The following EXD1 variants were observed in gnomAD, a reference collection of about 807,000 sequenced individuals.
The protein encoded by EXD1 is exonuclease 3'-5' domain containing 1, also known as piRNA biogenesis protein EXD1.
EXD1 carries 63 observed loss-of-function variants against 49.1 expected under a neutral mutation model. The ratio of observed to expected loss-of-function variants is 1.28; its 90% CI spans 1.05 to 1.58. The LOEUF (loss-of-function observed/expected upper bound fraction) is 1.58, where lower values mean the gene tolerates loss of function less well. Among genes scored for constraint, EXD1 ranks in the 40% most tolerant of loss-of-function variants. The pLI is 0.00. For synonymous variants in EXD1, 234 were observed against 239.2 expected, an observed-to-expected ratio of 0.98 and a Z score of 0.20; for missense variants, 748 against 666.0, an observed-to-expected ratio of 1.12 and a Z score of -1.36.
In EXD1 at chr15:41,184,401, T is replaced by C; in HGVS notation, c.1249A>G (p.Asn417Asp). 6.2e-7 allele frequency: 1 copy of C among 1,614,040 alleles called. No individual in the cohort carries two copies. The highest frequency in any genetic ancestry group is 2.2e-5 in the East Asian group (1 of 44,880). Residue 417 changes from asparagine to aspartate, a missense_variant, in exon 12 of 12, where the codon AAT (asparagine) becomes GAT (aspartate). Asn to Asp is a conservative substitution (Grantham distance 23). Transcript: ENST00000458580. ...EKVKGFLFGKNFRIDKAPSFT... is the reference protein window; with the variant it reads ...EKVKGFLFGKDFRIDKAPSFT... ...CTTGGAGCTTTATCTATCCTAAAATTTTTACCAAATAAGAAGCCTTTGACT... is the reference window on the plus strand; with the variant it reads ...CTTGGAGCTTTATCTATCCTAAAATCTTTACCAAATAAGAAGCCTTTGACT...
intron 11 of EXD1, 150 bp downstream of exon 11, chr15:41,189,787 G>T: frequency 1.6e-6 from 1 of 632,548 alleles, no homozygotes; most frequent in East Asian, 2.6e-5. Context: ...GTGAGGGGAT[G>T]GATCATGCCC....
chr15:41,221,693 C>G (rs1399462999), intron 2 of EXD1, among the ~76,000 whole-genome samples: 1 of 151,862 alleles, frequency 6.6e-6, no homozygotes, highest in African/African-American at 2.4e-5. Flanking sequence ...AGTTTTGTCC[C>G]TCATCCTTTT....
rs1255475855 is a variant in EXD1, at chr15:41,184,326, A to T, written c.1324T>A (p.Ser442Thr). The T allele has an allele frequency of 3.1e-6, 5 of 1,614,198 alleles. No individual in the cohort carries two copies. Among genetic ancestry groups the T allele is most frequent in the South Asian group, 1.1e-5 (1 of 91,086 alleles). ...GGATTTGTAGCTTGTTTATTCAAAG[A>T]TTCTTCTTTCAGTAAATTCACATCC... ...HGDVNLLKEE[S>T]LNKQATNPQH... is the part of the protein sequence containing the mutation. The change falls in exon 12 of 12, where the codon TCT becomes ACT. Residue 442 changes from serine (S) to threonine (T), a missense_variant. Transcript: ENST00000458580.
intron 7 of EXD1, among the ~76,000 whole-genome samples, chr15:41,206,972 C>A (rs1462912233): frequency 8.1e-6 from 1 of 123,532 alleles, no homozygotes; most frequent in African/African-American, 3.1e-5. Flanking sequence ...GCCTCTGCGC[C>A]AGGTGTGGTG....
Position 41,191,436 on chromosome 15 carries a change from A to T in EXD1, c.864+6T>A. ...TAATGTCATACAGGACATCCTTTAC[A>T]CCCACCTGAATTAGTTTTTGTCTCT... On this transcript the variant is annotated splice_donor_region_variant and intron_variant, in intron 10 of 11. Coordinates refer to ENST00000458580, the MANE Select transcript of EXD1 (RefSeq NM_001286441.2). 1 of 1,572,592 alleles carries T rather than the reference A, an allele frequency of 6.4e-7. No homozygotes were observed. The highest frequency in any genetic ancestry group is 8.6e-7 in the Non-Finnish European group (1 of 1,157,968).
At chr15:41,226,678 TA>T (rs2047168992) in intron 1 of EXD1, 50 bp from the exon 2 acceptor site, 1 of 1,387,602 alleles carries the variant, frequency 7.2e-7, no homozygotes, top group Admixed American at 2.8e-5. Flanking sequence ...TTTTTGGGAG[TA>T]AAGTTATTTT....
At chr15:41,196,579 G>A (rs997238798) in intron 7 of EXD1, among the ~76,000 whole-genome samples, 2 of 151,414 alleles carry the variant, frequency 1.3e-5, no homozygotes, top group Non-Finnish European at 2.9e-5. Flanking sequence ...GCCTCCCAAA[G>A]TGCTGGGATT....
At chr15:41,190,159 A>T in intron 10 of EXD1, 31 bp from the exon 11 acceptor site, 2 of 1,609,722 alleles carry the variant, frequency 1.2e-6, no homozygotes, top group Middle Eastern at 1.7e-4. Flanking sequence ...TCCTCTGAAC[A>T]GTAAGCAAGA....
intron 7 of EXD1, among the ~76,000 whole-genome samples, chr15:41,208,578 C>T (rs1435209754): frequency 2.0e-5 from 3 of 151,640 alleles, no homozygotes; most frequent in Non-Finnish European, 4.4e-5. Context: ...CATGGTGAAA[C>T]CCCGTCTCTA....
Position 41,230,722 on chromosome 15 carries a change from G to A in EXD1, c.-297C>T, listed in dbSNP as rs2047229960. 1.5e-6 allele frequency: 1 copy of A among 645,208 alleles called. No homozygotes were observed. The highest frequency in any genetic ancestry group is 2.9e-5 in the East Asian group (1 of 34,762). 40.0% of individuals were successfully genotyped at this position (645,208 alleles called of 1,614,324 possible). A position where few individuals can be genotyped will look rare whatever the true frequency, so the allele number is the denominator to read the frequency against. ...CGACGCCGGGGACACACGCCGCAGA[G>A]GCGACGCCCGCCCGGCCCAACGTCC... On this transcript the variant is annotated 5_prime_UTR_variant, in exon 1 of 12. Transcript: ENST00000458580.
chr15:41,206,811 G>C (rs936604221), intron 7 of EXD1, among the ~76,000 whole-genome samples: 2 of 148,952 alleles, frequency 1.3e-5, no homozygotes, highest in Non-Finnish European at 3.0e-5. Context: ...TAGTAGAGGC[G>C]GGGTTTCACC....
chr15:41,226,567 G>T lies in EXD1; in HGVS notation c.9C>A (p.Pro3=). The T allele has an allele frequency of 6.5e-7, 1 of 1,535,922 alleles. No individual in the cohort carries two copies. The highest frequency in any genetic ancestry group is 1.2e-5 in the South Asian group (1 of 84,012). ...GGCTGAGGAAATGGTAGTCACTGCTGGGGTCCATGCTAATTGATTCCAAAA... is the reference window on the plus strand; with the variant it reads ...GGCTGAGGAAATGGTAGTCACTGCTTGGGTCCATGCTAATTGATTCCAAAA... MD[P]SSDYHFLSQI... is the part of the protein sequence containing the mutation. Residue 3 remains proline (P), a synonymous_variant, in exon 2 of 12, where the codon CCC becomes CCA. Coordinates refer to ENST00000458580, the MANE Select transcript of EXD1 (RefSeq NM_001286441.2).
At chr15:41,187,269 T>C (rs1364161914) in intron 11 of EXD1, among the ~76,000 whole-genome samples, 1 of 152,004 alleles carries the variant, frequency 6.6e-6, no homozygotes, top group African/African-American at 2.4e-5. Context: ...TTTGTATTAT[T>C]AGTAGAGACA....
chr15:41,213,284 C>G (rs1278040879), intron 6 of EXD1, among the ~76,000 whole-genome samples: 1 of 151,932 alleles, frequency 6.6e-6, no homozygotes, highest in East Asian at 1.9e-4. Flanking sequence ...TCACTGCAAC[C>G]TCTGCCTCCT....
chr15:41,194,854 AG>A (rs2046585553), intron 9 of EXD1, among the ~76,000 whole-genome samples: 1 of 152,212 alleles, frequency 6.6e-6, no homozygotes, highest in South Asian at 2.1e-4. Context: ...TACAAATGGC[AG>A]CAAATACATT....
chr15:41,208,291 G>A (rs973365877), intron 7 of EXD1, among the ~76,000 whole-genome samples: 22 of 149,542 alleles, frequency 1.5e-4, no homozygotes, highest in Non-Finnish European at 2.2e-4. Flanking sequence ...AGCACTTTGC[G>A]GTTAGGCTGA....
intron 6 of EXD1, among the ~76,000 whole-genome samples, chr15:41,211,664 AAT>A (rs1297142084): frequency 6.6e-6 from 1 of 151,992 alleles, no homozygotes; most frequent in African/African-American, 2.4e-5. Context: ...CTCTACACAA[AAT>A]ACAAAAATTA....
Position 41,215,768 on chromosome 15 carries a change from T to C in EXD1, c.447+7A>G. The C allele has an allele frequency of 6.2e-7, 1 of 1,613,302 alleles. No individual in the cohort carries two copies. Among genetic ancestry groups the C allele is most frequent in the Non-Finnish European group, 8.5e-7 (1 of 1,179,416 alleles). On this transcript the variant is annotated splice_region_variant and intron_variant, in intron 6 of 11. Transcript: ENST00000458580. ...CAATACTAGTAATGATTGAGGACAA[T>C]ACTTACCGCAGCACCAAACTTCTGC...
intron 6 of EXD1, among the ~76,000 whole-genome samples, chr15:41,211,236 C>G (rs145047120): frequency 6.6e-6 from 1 of 152,028 alleles, no homozygotes; most frequent in Non-Finnish European, 1.5e-5. Context: ...CTCAGCCTCC[C>G]GGGTAGCTGA....
Sources: allele counts gnomAD v4.1 joint callset (sites outside exome capture counted in the v4.1 genomes callset), GRCh38; gene constraint gnomAD v4.1.1; transcripts MANE v1.5; gene names NCBI Gene and HGNC (gene_info 2026-07-23, HGNC 2026-07-21).